Variants in NPIPB2 observed in about 807,000 individuals in gnomAD.
The protein encoded by NPIPB2 is nuclear pore complex-interacting protein family member B2.
A neutral mutation model predicts 30.8 loss-of-function variants in NPIPB2; 27 were observed. The observed-to-expected ratio is 0.88, with a 90% confidence interval of 0.65 to 1.21. The LOEUF (loss-of-function observed/expected upper bound fraction) is 1.21, where lower values mean the gene tolerates loss of function less well. NPIPB2 is among the 50% of genes most tolerant of loss of function. The pLI, the probability that NPIPB2 is intolerant of heterozygous loss-of-function variation, is 0.00. For missense variants in NPIPB2, 440 were observed against 446.2 expected, an observed-to-expected ratio of 0.99 and a Z score of 0.13; for synonymous variants, 147 against 162.0, an observed-to-expected ratio of 0.91 and a Z score of 0.70.
chr16:11,961,784 A>G (rs2055154839), intron 1 of NPIPB2, among the ~76,000 whole-genome samples: 1 of 151,858 alleles, frequency 6.6e-6, no homozygotes, highest in Non-Finnish European at 1.5e-5. Flanking sequence ...TGTTTAAAAA[A>G]AAAAAAAAAA....
At chr16:11,959,297 C>T (rs2055137148) in intron 1 of NPIPB2, among the ~76,000 whole-genome samples, 1 of 152,042 alleles carries the variant, frequency 6.6e-6, no homozygotes, top group Admixed American at 6.6e-5. Context: ...AAATCATGCT[C>T]CTAGCCAGGC....
At chr16:11,949,796 G>A (rs1228650443) in intron 1 of NPIPB2, among the ~76,000 whole-genome samples, 1 of 152,116 alleles carries the variant, frequency 6.6e-6, no homozygotes, top group East Asian at 1.9e-4. Context: ...TAGTTACCCA[G>A]AGCGACATTG....
intron 1 of NPIPB2, among the ~76,000 whole-genome samples, chr16:11,973,835 C>G (rs2055251043): frequency 6.6e-6 from 1 of 152,060 alleles, no homozygotes; most frequent in African/African-American, 2.4e-5. Flanking sequence ...GGGCTTGGAA[C>G]CCCAGCAAAA....
chr16:11,942,393 C>T (rs1213510804), upstream of NPIPB2, among the ~76,000 whole-genome samples: 2 of 149,686 alleles, frequency 1.3e-5, no homozygotes, highest in Non-Finnish European at 3.0e-5. Context: ...ATGATGAGAT[C>T]ATAACATGGC....
At chr16:11,968,064 C>A in intron 1 of NPIPB2, 2 of 504,928 alleles carry the variant, frequency 4.0e-6, no homozygotes, top group Non-Finnish European at 6.8e-6. Flanking sequence ...TCTTTTTTTT[C>A]CTGACATCTA....
upstream of NPIPB2, among the ~76,000 whole-genome samples, chr16:11,944,252 C>A (rs1301242914): frequency 6.6e-6 from 1 of 151,028 alleles, no homozygotes; most frequent in Non-Finnish European, 1.5e-5. Context: ...TCACTGAAAC[C>A]TCCACCTCCC....
At chr16:11,948,774 A>G (rs2150925383) in intron 1 of NPIPB2, among the ~76,000 whole-genome samples, 1 of 103,706 alleles carries the variant, frequency 9.6e-6, no homozygotes, top group Admixed American at 1.1e-4. Context: ...CTCAAAAAAA[A>G]AAAAAAAAAA....
upstream of NPIPB2, among the ~76,000 whole-genome samples, chr16:11,942,403 C>G (rs550032284): frequency 3.8e-3 from 565 of 149,652 alleles, 3 homozygotes; most frequent in Middle Eastern, 6.8e-3. Flanking sequence ...CATAACATGG[C>G]AATAAAATGT....
chr16:11,940,103 C>T lies in NPIPB2; in HGVS notation c.63+1880G>A, dbSNP rs1437400948. On this transcript the variant is annotated intron_variant, in intron 1 of 7. Transcript: ENST00000399147. ...CGGTGGTTCACGCCTGTAATCCCAA[C>T]GCTTTGGGAGGCCGAGGCAGGCGGA... Among the ~76,000 whole-genome samples, 11 of 56,588 alleles carry T rather than the reference C, an allele frequency of 1.9e-4. 3 individuals carry two copies. The highest frequency in any genetic ancestry group is 6.6e-4 in the Admixed American group (4 of 6,102). The allele number at this position is 56,588 out of a possible 152,430, so 37.1% of individuals were successfully genotyped here.
chr16:11,941,679 C>G (rs557910386), intron 1 of NPIPB2, among the ~76,000 whole-genome samples: 2 of 151,584 alleles, frequency 1.3e-5, no homozygotes, highest in East Asian at 1.9e-4. Context: ...CTTTATACTC[C>G]CTCTCCACCA....
At chr16:11,951,991 C>G (rs2055070564) in intron 1 of NPIPB2, among the ~76,000 whole-genome samples, 1 of 152,098 alleles carries the variant, frequency 6.6e-6, no homozygotes, top group East Asian at 1.9e-4. Flanking sequence ...AACCCCGACT[C>G]TACTAAAAAT....
rs774818106 is a variant in NPIPB2, at chr16:11,937,506, C to T, written c.192+34G>A. 1.1e-5 allele frequency: 13 copies of T among 1,207,832 alleles called. No homozygotes were observed. The African/African-American group carries it at 1.6e-4, about 15-fold the overall frequency. The allele number at this position is 1,207,832 out of a possible 1,614,324, so 74.8% of individuals were successfully genotyped here. On this transcript the variant is annotated intron_variant, in intron 2 of 7. Transcript: ENST00000399147. ...TATAATTTATTCTTATTTGTGATTA[C>T]AAGTATACCTCTACAGAAAGTTAGT...
intron 4 of NPIPB2, among the ~76,000 whole-genome samples, chr16:11,931,803 A>G (rs2054793128): frequency 6.6e-6 from 1 of 151,726 alleles, no homozygotes; most frequent in African/African-American, 2.4e-5. Context: ...ATGATTGAAT[A>G]CATCAAATTG....
intron 1 of NPIPB2, chr16:11,966,215 G>A: frequency 1.9e-6 from 3 of 1,613,422 alleles, no homozygotes; most frequent in Non-Finnish European, 2.5e-6. Flanking sequence ...TTCAGTGAAA[G>A]GAACGAATGC....
At chr16:11,933,561 G>C (rs550836156) in exon 4 of NPIPB2, 2 of 1,597,068 alleles carry the variant, frequency 1.3e-6, no homozygotes, top group Non-Finnish European at 1.7e-6. Flanking sequence ...TGTCATGATG[G>C]TTGATTTTCG....
intron 1 of NPIPB2, among the ~76,000 whole-genome samples, chr16:11,972,887 G>A (rs1431092932): frequency 2.0e-5 from 3 of 151,732 alleles, no homozygotes; most frequent in Non-Finnish European, 2.9e-5. Context: ...ATAGCTGGGC[G>A]TGGAGGCTGA....
chr16:11,933,780 G>A (rs1265318641), intron 3 of NPIPB2, 45 bp downstream of exon 3: 10 of 1,594,528 alleles, frequency 6.3e-6, no homozygotes, highest in East Asian at 2.2e-5. Context: ...TCCCTTTCCA[G>A]GGCAAACTCA....
chr16:11,941,787 A>C, intron 1 of NPIPB2, 196 bp downstream of exon 1: 1 of 1,226,050 alleles, frequency 8.2e-7, no homozygotes, highest in Non-Finnish European at 1.2e-6. Context: ...CCCCCATCTC[A>C]GTCTCCCACT....
exon 8 of NPIPB2, chr16:11,927,696 G>T (rs1567462054): frequency 1.2e-6 from 2 of 1,600,578 alleles, no homozygotes; most frequent in East Asian, 2.2e-5. Flanking sequence ...TCCGCTGAGG[G>T]TGGAAGGGGA....
Sources: gnomAD v4.1 joint callset for allele counts (sites outside exome capture counted in the v4.1 genomes callset) on GRCh38, gnomAD v4.1.1 for gene constraint, MANE v1.5 for transcripts, NCBI Gene and HGNC (gene_info 2026-07-23, HGNC 2026-07-21) for gene names.